The following CLVS1 variants were observed in gnomAD, a reference collection of about 807,000 sequenced individuals.
CLVS1 encodes clavesin 1.
CLVS1 carries 10 observed loss-of-function variants against 33.1 expected under a neutral mutation model. That is an observed-to-expected ratio of 0.30 (90% CI 0.19 to 0.51). CLVS1 has a LOEUF of 0.51. CLVS1 is among the 20% of genes least tolerant of loss of function. The pLI is 0.97. For synonymous variants in CLVS1, 163 were observed against 166.1 expected, an observed-to-expected ratio of 0.98 and a Z score of 0.14; for missense variants, 343 against 433.4, an observed-to-expected ratio of 0.79 and a Z score of 1.85.
chr8:61,081,394 C>T, intron 1 of CLVS1, among the ~76,000 whole-genome samples: 1 of 152,124 alleles, frequency 6.6e-6, no homozygotes, highest in East Asian at 1.9e-4. Context: ...AAGCTTCCCC[C>T]AAGCACATAC....
chr8:61,302,702 G>T (rs1447271335), intron 2 of CLVS1, among the ~76,000 whole-genome samples: 2 of 152,206 alleles, frequency 1.3e-5, no homozygotes, highest in East Asian at 3.8e-4. Context: ...AATTGTATTA[G>T]TCCATTCTTG....
At chr8:61,300,305 C>T (rs1185217541) in intron 2 of CLVS1, 23 bp downstream of exon 2, 1 of 1,578,022 alleles carries the variant, frequency 6.3e-7, no homozygotes, top group East Asian at 2.2e-5. Context: ...AGTGTCTTTA[C>T]TTGGTTTTTC....
At chr8:61,092,244 A>G (rs1227020360) in intron 1 of CLVS1, among the ~76,000 whole-genome samples, 2 of 152,130 alleles carry the variant, frequency 1.3e-5, no homozygotes, top group Admixed American at 6.5e-5. Context: ...ATGTCCCTGT[A>G]TCAGTAACAG....
At chr8:61,007,788 T>C in the CLVS1 span, among the ~76,000 whole-genome samples, 1 of 152,130 alleles carries the variant, frequency 6.6e-6, no homozygotes, top group Non-Finnish European at 1.5e-5. Context: ...GGACAGGACG[T>C]CGTTAAGCGC....
At chr8:61,260,932 AAGG>A (rs1172111887) in intron 2 of CLVS1, among the ~76,000 whole-genome samples, 8 of 152,190 alleles carry the variant, frequency 5.3e-5, no homozygotes, top group African/African-American at 1.9e-4. Flanking sequence ...AGAATGATAC[AAGG>A]AGCTTGTTTC....
chr8:61,485,910 A>T (rs1325671096), intron 5 of CLVS1, among the ~76,000 whole-genome samples: 1 of 151,068 alleles, frequency 6.6e-6, no homozygotes, highest in African/African-American at 2.4e-5. Context: ...ACACTTGGAC[A>T]TGGGTGGTGG....
At chr8:61,365,952 G>C (rs1201573860) in intron 2 of CLVS1, among the ~76,000 whole-genome samples, 2 of 152,116 alleles carry the variant, frequency 1.3e-5, no homozygotes, top group Admixed American at 6.5e-5. Context: ...TTAAACCAAT[G>C]CTAATTTAGC....
intron 3 of CLVS1, among the ~76,000 whole-genome samples, chr8:61,440,132 C>A (rs1345385849): frequency 6.6e-6 from 1 of 152,182 alleles, no homozygotes; most frequent in Non-Finnish European, 1.5e-5. Flanking sequence ...AGTAGATGAA[C>A]TAATTGAAGA....
At chr8:61,008,683 G>C in the CLVS1 span, among the ~76,000 whole-genome samples, 10 of 152,162 alleles carry the variant, frequency 6.6e-5, no homozygotes, top group South Asian at 8.3e-4. Context: ...CTATCTTCAA[G>C]GAAGAAACAG....
At chr8:61,390,361 C>T (rs1814255654) in intron 3 of CLVS1, among the ~76,000 whole-genome samples, 1 of 152,094 alleles carries the variant, frequency 6.6e-6, no homozygotes, top group African/African-American at 2.4e-5. Flanking sequence ...TAGATTGTTC[C>T]CAGTGCTTTC....
the CLVS1 span, among the ~76,000 whole-genome samples, chr8:60,969,541 T>G: frequency 2.6e-5 from 4 of 152,188 alleles, no homozygotes; most frequent in Non-Finnish European, 4.4e-5. Flanking sequence ...GTTATACGTG[T>G]TTGACGTCCT....
intron 2 of CLVS1, among the ~76,000 whole-genome samples, chr8:61,308,897 C>G (rs990032322): frequency 2.0e-5 from 3 of 152,196 alleles, no homozygotes; most frequent in Admixed American, 6.5e-5. Context: ...CTTATGATCT[C>G]ATTCCGACCC....
At chr8:61,414,929 G>T (rs1815372159) in intron 3 of CLVS1, among the ~76,000 whole-genome samples, 1 of 152,332 alleles carries the variant, frequency 6.6e-6, no homozygotes, top group South Asian at 2.1e-4. Flanking sequence ...ATATTTTATA[G>T]ATTCATAAAG....
chr8:61,278,549 A>G lies in CLVS1; in HGVS notation c.-151-21128A>G, dbSNP rs543475207. 1.2e-4 allele frequency among the ~76,000 whole-genome samples: 18 copies of G among 152,322 alleles called. No individual in the cohort carries two copies. In the South Asian group the frequency reaches 3.7e-3, roughly 32 times the overall value. On this transcript the variant is annotated intron_variant, in intron 2 of 2. Coordinates refer to the CLVS1 transcript ENST00000522621. ...TTATAACTTGGAGGTGTTGGACATA[A>G]CTTTCCAAGATCTCTGCTAGTGTTA...
At chr8:61,200,284 A>AT (rs149845464) in intron 2 of CLVS1, among the ~76,000 whole-genome samples, 12,423 of 151,810 alleles carry the variant, frequency 0.082, 739 homozygotes, top group African/African-American at 0.15. Context: ...ATGCCGGCTA[A>AT]TTTTTTTTGT....
At chr8:61,430,649 C>T (rs1437062850) in intron 3 of CLVS1, among the ~76,000 whole-genome samples, 1 of 152,174 alleles carries the variant, frequency 6.6e-6, no homozygotes, top group Non-Finnish European at 1.5e-5. Context: ...GATTTACAAG[C>T]TGTCTTTATG....
At chr8:61,132,127 C>T (rs1248586280) in intron 2 of CLVS1, among the ~76,000 whole-genome samples, 1 of 152,244 alleles carries the variant, frequency 6.6e-6, no homozygotes. Context: ...ATGCCAATAG[C>T]ACCTGCTCAG....
At chr8:61,150,785 C>G (rs889738308) in intron 2 of CLVS1, among the ~76,000 whole-genome samples, 3 of 152,216 alleles carry the variant, frequency 2.0e-5, no homozygotes, top group African/African-American at 7.2e-5. Context: ...CCAGTGTGAG[C>G]TGGTTCCTGG....
At chr8:61,256,468 G>A (rs192672810) in intron 2 of CLVS1, among the ~76,000 whole-genome samples, 78 of 152,158 alleles carry the variant, frequency 5.1e-4, no homozygotes, top group Non-Finnish European at 6.8e-4. Context: ...AGCCGAGATC[G>A]TGCCACTGCA....
Sources: gnomAD v4.1 joint callset for allele counts (sites outside exome capture counted in the v4.1 genomes callset) on GRCh38, gnomAD v4.1.1 for gene constraint, MANE v1.5 for transcripts, NCBI Gene and HGNC (gene_info 2026-07-23, HGNC 2026-07-21) for gene names.